Variants in CTNNA3 observed in about 807,000 individuals in gnomAD.
CTNNA3 encodes catenin alpha-3.
CTNNA3 carries 76 observed loss-of-function variants against 95.7 expected under a neutral mutation model. The observed-to-expected ratio is 0.79, with a 90% CI of 0.66 to 0.96. The LOEUF is 0.96. CTNNA3 is among the 40% of genes least tolerant of loss of function. The pLI, the probability that CTNNA3 is intolerant of heterozygous loss-of-function variation, is 0.00. For missense variants in CTNNA3, 1,191 were observed against 1,089.8 expected (o/e 1.09, Z -1.31); for synonymous variants, 431 against 374.4 (o/e 1.15, Z -1.74).
intron 14 of CTNNA3, among the ~76,000 whole-genome samples, chr10:66,081,556 C>CA (rs1272831870): frequency 6.6e-6 from 1 of 151,978 alleles, no homozygotes; most frequent in Non-Finnish European, 1.5e-5. Context: ...ACAATTTGGT[C>CA]AGTGAAATAA....
intron 10 of CTNNA3, among the ~76,000 whole-genome samples, chr10:66,534,527 T>C (rs1841585715): frequency 6.7e-6 from 1 of 149,100 alleles, no homozygotes; most frequent in Non-Finnish European, 1.5e-5. Flanking sequence ...TTATCATATG[T>C]ATCTATAAAT....
At chr10:66,562,442 C>A (rs758210030) in intron 10 of CTNNA3, among the ~76,000 whole-genome samples, 2 of 152,112 alleles carry the variant, frequency 1.3e-5, no homozygotes, top group Non-Finnish European at 2.9e-5. Context: ...ACTTTTCCAG[C>A]AGCACGTTTA....
chr10:66,266,141 AAAGAAGGAAGGAAGGAAAG>A (rs1227636959), intron 13 of CTNNA3, among the ~76,000 whole-genome samples: 1 of 151,150 alleles, frequency 6.6e-6, no homozygotes, highest in Non-Finnish European at 1.5e-5. Flanking sequence ...GGAAGGAAGG[AAAGAAGGAAGGAAGGAAAG>A]AAGGAAGGAA....
At chr10:66,087,344 A>C (rs1444418680) in intron 14 of CTNNA3, among the ~76,000 whole-genome samples, 2 of 152,028 alleles carry the variant, frequency 1.3e-5, no homozygotes, top group African/African-American at 4.8e-5. Context: ...CTCCGTGTGT[A>C]TGTGTCAGCA....
At chr10:67,199,410 C>T (rs1056703832) in intron 6 of CTNNA3, among the ~76,000 whole-genome samples, 1 of 152,008 alleles carries the variant, frequency 6.6e-6, no homozygotes, top group East Asian at 1.9e-4. Context: ...CGCTCTGTTG[C>T]CCAGGCTGGA....
At chr10:67,407,113 A>T (rs1212719634) in intron 5 of CTNNA3, among the ~76,000 whole-genome samples, 1 of 152,122 alleles carries the variant, frequency 6.6e-6, no homozygotes, top group African/African-American at 2.4e-5. Flanking sequence ...GAGATATAAC[A>T]AAAAAGAAAA....
At chr10:66,152,974 G>T (rs917749424) in intron 13 of CTNNA3, among the ~76,000 whole-genome samples, 3 of 151,790 alleles carry the variant, frequency 2.0e-5, no homozygotes, top group Non-Finnish European at 4.4e-5. Context: ...TATGTTAAAA[G>T]TTTTAATATT....
chr10:66,034,900 A>G (rs2079529734), intron 15 of CTNNA3, among the ~76,000 whole-genome samples: 1 of 59,782 alleles, frequency 1.7e-5, no homozygotes, highest in African/African-American at 4.9e-5. Context: ...TTTAAAAAGT[A>G]CATTTTACTA....
intron 13 of CTNNA3, among the ~76,000 whole-genome samples, chr10:66,116,858 T>C (rs2082362526): frequency 1.3e-5 from 2 of 152,028 alleles, no homozygotes; most frequent in South Asian, 4.1e-4. Flanking sequence ...TGCACACTTT[T>C]AAACAACCAG....
chr10:66,186,694 C>T (rs1253932302), intron 13 of CTNNA3, among the ~76,000 whole-genome samples: 2 of 151,930 alleles, frequency 1.3e-5, no homozygotes, highest in Non-Finnish European at 2.9e-5. Flanking sequence ...GCATTCAGGA[C>T]ATTTGTTATT....
intron 2 of CTNNA3, among the ~76,000 whole-genome samples, chr10:67,616,490 C>G (rs185705981): frequency 1.8e-4 from 27 of 152,246 alleles, no homozygotes; most frequent in Admixed American, 1.2e-3. Flanking sequence ...TTTGAGGAAG[C>G]AGTGGCGGAG....
chr10:67,136,647 A>G (rs955315099), intron 7 of CTNNA3, among the ~76,000 whole-genome samples: 10 of 152,118 alleles, frequency 6.6e-5, no homozygotes, highest in Non-Finnish European at 1.5e-4. Flanking sequence ...TTCCTACATT[A>G]AACAAAATCA....
chr10:66,231,193 G>A (rs751384348), intron 13 of CTNNA3, among the ~76,000 whole-genome samples: 1 of 152,230 alleles, frequency 6.6e-6, no homozygotes, highest in South Asian at 2.1e-4. Flanking sequence ...AGTATTCATC[G>A]TGGGAATGTG....
chr10:66,957,459 T>TGC (rs771996707), intron 7 of CTNNA3, among the ~76,000 whole-genome samples: 11 of 25,174 alleles, frequency 4.4e-4, no homozygotes, highest in East Asian at 3.9e-3. Context: ...TATATATGCA[T>TGC]ATATATATAT....
At chr10:66,979,811 A>G (rs1850307951) in intron 7 of CTNNA3, among the ~76,000 whole-genome samples, 1 of 152,336 alleles carries the variant, frequency 6.6e-6, no homozygotes, top group African/African-American at 2.4e-5. Context: ...TCTATGGAGA[A>G]AAGGTCCTTT....
chr10:67,676,655 TG>T (rs2133560904), intron 1 of CTNNA3, among the ~76,000 whole-genome samples: 1 of 152,272 alleles, frequency 6.6e-6, no homozygotes, highest in African/African-American at 2.4e-5. Context: ...GCTCTGTTCC[TG>T]GTACACAGTT....
At chr10:66,024,084 C>CTTTTTTTTTTTTTTTTTTTT (rs1183185763) in intron 15 of CTNNA3, among the ~76,000 whole-genome samples, 1 of 62,682 alleles carries the variant, frequency 1.6e-5, no homozygotes, top group African/African-American at 5.2e-5. Flanking sequence ...ATACCATACA[C>CTTTTTTTTTTTTTTTTTTTT]ATTTTTTTTT....
intron 5 of CTNNA3, among the ~76,000 whole-genome samples, chr10:67,278,520 C>T (rs963205205): frequency 9.2e-5 from 14 of 152,132 alleles, no homozygotes; most frequent in Non-Finnish European, 1.9e-4. Context: ...GACTGGGGAT[C>T]AGTGGAAGGG....
chr10:66,866,814 A>C (rs1844195683), intron 7 of CTNNA3, among the ~76,000 whole-genome samples: 1 of 152,166 alleles, frequency 6.6e-6, no homozygotes, highest in African/African-American at 2.4e-5. Flanking sequence ...ATAGACAGAA[A>C]ACTAACATGA....
Sources: allele counts gnomAD v4.1 joint callset (sites outside exome capture counted in the v4.1 genomes callset), GRCh38; gene constraint gnomAD v4.1.1; transcripts MANE v1.5; gene names NCBI Gene and HGNC (gene_info 2026-07-23, HGNC 2026-07-21).